The following DPP6 variants were observed in gnomAD, a reference collection of about 807,000 sequenced individuals.
The protein encoded by DPP6 is dipeptidyl peptidase like 6.
DPP6 carries 69 observed loss-of-function variants against 122.6 expected under a neutral mutation model. The observed-to-expected ratio is 0.56, with a 90% CI of 0.46 to 0.69. The LOEUF is 0.69. Among genes scored for constraint, DPP6 ranks in the 30% least tolerant of loss-of-function variants. DPP6 has a pLI of 0.00. For synonymous variants in DPP6, 418 were observed against 433.1 expected (o/e 0.97, Z 0.43); for missense variants, 928 against 1,116.9 (o/e 0.83, Z 2.41).
chr7:154,339,362 G>A (rs1178143404), intron 1 of DPP6, among the ~76,000 whole-genome samples: 2 of 152,194 alleles, frequency 1.3e-5, no homozygotes, highest in Non-Finnish European at 2.9e-5. Flanking sequence ...GTGGGAACGC[G>A]GAGTGGGAGG....
chr7:153,924,233 C>T (rs1051964879), intron 1 of DPP6, among the ~76,000 whole-genome samples: 4 of 152,026 alleles, frequency 2.6e-5, no homozygotes, highest in Admixed American at 6.5e-5. Flanking sequence ...CTCAGCCTCC[C>T]GAGTAGCTGG....
intron 1 of DPP6, among the ~76,000 whole-genome samples, chr7:153,977,624 G>C (rs1036362288): frequency 2.6e-5 from 4 of 151,920 alleles, no homozygotes; most frequent in Non-Finnish European, 5.9e-5. Flanking sequence ...TTGTTATGTA[G>C]GTATACATGT....
intron 1 of DPP6, among the ~76,000 whole-genome samples, chr7:154,004,221 A>C (rs1797809277): frequency 6.6e-6 from 1 of 152,150 alleles, no homozygotes; most frequent in Admixed American, 6.5e-5. Flanking sequence ...ATAATTTTTG[A>C]AATTGTTTTC....
chr7:154,663,306 A>T (rs376340939), intron 6 of DPP6, among the ~76,000 whole-genome samples: 1 of 31,434 alleles, frequency 3.2e-5, no homozygotes, highest in Non-Finnish European at 1.1e-4. Context: ...CGTATTGGCC[A>T]TAGTGTTCAT....
intron 5 of DPP6, chr7:154,587,351 C>A (rs990122704): frequency 5.0e-5 from 22 of 444,276 alleles, no homozygotes; most frequent in Middle Eastern, 6.0e-4. Flanking sequence ...TCCCCCCAAC[C>A]ATTCCCACTG....
intron 1 of DPP6, among the ~76,000 whole-genome samples, chr7:154,147,598 GCCT>G (rs888179455): frequency 2.6e-5 from 4 of 151,904 alleles, no homozygotes; most frequent in Admixed American, 1.3e-4. Context: ...TCCTGCCTCA[GCCT>G]CCTGAGTAGC....
At chr7:154,521,264 C>A (rs1358264427) in intron 3 of DPP6, among the ~76,000 whole-genome samples, 1 of 152,034 alleles carries the variant, frequency 6.6e-6, no homozygotes, top group African/African-American at 2.4e-5. Context: ...CACCTTCACC[C>A]CTCTCAACAT....
chr7:154,462,757 G>A (rs1039841069), intron 2 of DPP6, among the ~76,000 whole-genome samples: 14 of 151,556 alleles, frequency 9.2e-5, no homozygotes, highest in South Asian at 2.1e-4. Flanking sequence ...CCATCAACCC[G>A]TCATTTAGCA....
intron 3 of DPP6, among the ~76,000 whole-genome samples, chr7:154,531,653 TTTTTAA>T (rs1275099926): frequency 6.6e-6 from 1 of 152,200 alleles, no homozygotes. Context: ...TCTTTTTGAC[TTTTTAA>T]TTTTAATTTC....
At chr7:154,060,172 G>A (rs868309913) in intron 1 of DPP6, among the ~76,000 whole-genome samples, 19 of 148,214 alleles carry the variant, frequency 1.3e-4, no homozygotes, top group East Asian at 1.0e-3. Context: ...ATCGCAGGGG[G>A]GGAGGCACCC....
At chr7:153,943,514 C>T (rs1263646071) in intron 1 of DPP6, among the ~76,000 whole-genome samples, 1 of 152,088 alleles carries the variant, frequency 6.6e-6, no homozygotes, top group Non-Finnish European at 1.5e-5. Flanking sequence ...GTAGGGAGGG[C>T]AGGGCTGGGA....
intron 5 of DPP6, among the ~76,000 whole-genome samples, chr7:154,581,102 G>T (rs558625305): frequency 2.6e-5 from 4 of 152,238 alleles, no homozygotes; most frequent in Middle Eastern, 3.4e-3. Flanking sequence ...GTTGGCCAGG[G>T]CAGGGGTTAG....
At chr7:154,475,588 AT>A (rs548961297) in intron 3 of DPP6, 121 of 155,170 alleles carry the variant, frequency 7.8e-4, no homozygotes, top group South Asian at 1.8e-3. Context: ...TGTATGGGGG[AT>A]TTTTTTTTTA....
At chr7:154,357,065 G>C (rs922943514) in intron 1 of DPP6, among the ~76,000 whole-genome samples, 2 of 152,090 alleles carry the variant, frequency 1.3e-5, no homozygotes, top group Admixed American at 6.5e-5. Flanking sequence ...TTGATAAAAT[G>C]AAATTAAGCT....
intron 2 of DPP6, among the ~76,000 whole-genome samples, chr7:154,454,681 G>C (rs968166463): frequency 2.6e-5 from 4 of 152,228 alleles, no homozygotes; most frequent in Middle Eastern, 3.4e-3. Context: ...GCCTGGATTT[G>C]AGACTGAACT....
intron 3 of DPP6, among the ~76,000 whole-genome samples, chr7:154,482,395 G>A (rs1823386632): frequency 6.6e-6 from 1 of 152,136 alleles, no homozygotes; most frequent in Non-Finnish European, 1.5e-5. Context: ...CATGGTGCAA[G>A]CTTAGGCTGA....
chr7:154,861,484 A>ATATT (rs1803391589), intron 17 of DPP6, among the ~76,000 whole-genome samples: 1 of 152,136 alleles, frequency 6.6e-6, no homozygotes, highest in Admixed American at 6.5e-5. Flanking sequence ...CCTCGAGCTG[A>ATATT]TATTTACATT....
intron 1 of DPP6, among the ~76,000 whole-genome samples, chr7:154,263,436 G>T (rs565466769): frequency 1.3e-5 from 2 of 152,070 alleles, no homozygotes; most frequent in Non-Finnish European, 2.9e-5. Flanking sequence ...AGTAATCATC[G>T]CCTCAATGAC....
At chr7:154,566,269 T>G (rs1830739727) in intron 4 of DPP6, among the ~76,000 whole-genome samples, 2 of 152,148 alleles carry the variant, frequency 1.3e-5, no homozygotes, top group African/African-American at 4.8e-5. Context: ...TATTTCTTTT[T>G]CTTTTCTTGC....
Sources: allele counts gnomAD v4.1 joint callset (sites outside exome capture counted in the v4.1 genomes callset), GRCh38; gene constraint gnomAD v4.1.1; transcripts MANE v1.5; gene names NCBI Gene and HGNC (gene_info 2026-07-23, HGNC 2026-07-21).